Variants in SPAG9 observed in about 807,000 individuals in gnomAD.
SPAG9 encodes sperm associated antigen 9, also known as C-Jun-amino-terminal kinase-interacting protein 4.
SPAG9 carries 35 observed loss-of-function variants against 166.5 expected under a neutral mutation model. The ratio of observed to expected loss-of-function variants is 0.21; its 90% confidence interval spans 0.16 to 0.28. The LOEUF (loss-of-function observed/expected upper bound fraction) is 0.28, where lower values mean the gene tolerates loss of function less well. Ranked by LOEUF, SPAG9 falls within the 10% of genes least tolerant of loss-of-function variation. The pLI, the probability that SPAG9 is intolerant of heterozygous loss-of-function variation, is 1.00. For synonymous variants in SPAG9, 534 were observed against 565.5 expected, an observed-to-expected ratio of 0.94 and a Z score of 0.79; for missense variants, 1,235 against 1,603.3, an observed-to-expected ratio of 0.77 and a Z score of 3.92.
At chr17:51,108,352 A>C (rs939082046) in intron 1 of SPAG9, among the ~76,000 whole-genome samples, 5 of 150,038 alleles carry the variant, frequency 3.3e-5, no homozygotes, top group Non-Finnish European at 7.4e-5. Flanking sequence ...GCACCACTAC[A>C]CTCCAGCCTA....
chr17:50,999,731 G>T lies in SPAG9; in HGVS notation c.1608-14C>A. 6.3e-7 allele frequency: 1 copy of T among 1,599,726 alleles called. No homozygotes were observed. Among genetic ancestry groups the T allele is most frequent in the Non-Finnish European group, 8.5e-7 (1 of 1,170,580 alleles). ...TCTCGTGATGCCCTACATTCAAAAA[G>T]AAAAGAAAAGAAACATTTATCAGTG... On this transcript the variant is annotated splice_polypyrimidine_tract_variant and intron_variant, in intron 13 of 29. Transcript: ENST00000262013.
chr17:50,995,030 A>C (rs1164948767), intron 18 of SPAG9, 27 bp downstream of exon 18: 2 of 1,570,696 alleles, frequency 1.3e-6, no homozygotes, highest in East Asian at 4.5e-5. Flanking sequence ...CTCATAAACC[A>C]GGTCAAATGT....
At chr17:51,087,055 G>A (rs1193964473) in intron 1 of SPAG9, among the ~76,000 whole-genome samples, 1 of 152,180 alleles carries the variant, frequency 6.6e-6, no homozygotes, top group Non-Finnish European at 1.5e-5. Flanking sequence ...TAGGATAAAT[G>A]TAATACTAAC....
At chr17:51,046,420 ATT>A in intron 4 of SPAG9, 1 of 956,418 alleles carries the variant, frequency 1.0e-6, no homozygotes, top group Non-Finnish European at 1.5e-6. Context: ...TGCAACAGAA[ATT>A]GTTACAAAGC....
intron 26 of SPAG9, 152 bp from the exon 27 acceptor site, chr17:50,977,373 A>G: frequency 1.6e-6 from 1 of 619,782 alleles, no homozygotes; most frequent in Non-Finnish European, 2.9e-6. Context: ...AAATGTGACT[A>G]GAGCTAGATG....
intron 2 of SPAG9, among the ~76,000 whole-genome samples, chr17:51,057,092 G>T (rs2047382637): frequency 6.6e-6 from 1 of 152,186 alleles, no homozygotes; most frequent in African/African-American, 2.4e-5. Context: ...TGATAGCAAA[G>T]AGGAATGATT....
chr17:51,018,681 C>T (rs927832452), intron 8 of SPAG9, among the ~76,000 whole-genome samples: 1 of 152,154 alleles, frequency 6.6e-6, no homozygotes, highest in Non-Finnish European at 1.5e-5. Flanking sequence ...AGTTAGTGTC[C>T]GGGACAATGC....
chr17:51,112,134 G>A (rs374231478), intron 1 of SPAG9, among the ~76,000 whole-genome samples: 2 of 151,772 alleles, frequency 1.3e-5, no homozygotes, highest in Non-Finnish European at 2.9e-5. Flanking sequence ...TCCCACTCCC[G>A]CCAGAAAACA....
intron 8 of SPAG9, 60 bp downstream of exon 8, chr17:51,020,099 T>C: frequency 1.1e-6 from 1 of 920,868 alleles, no homozygotes; most frequent in Non-Finnish European, 1.8e-6. Context: ...TGGAGAACAG[T>C]GTTTATGGGA....
intron 5 of SPAG9, among the ~76,000 whole-genome samples, chr17:51,032,801 G>A (rs1038207071): frequency 6.6e-6 from 1 of 152,086 alleles, no homozygotes; most frequent in Non-Finnish European, 1.5e-5. Flanking sequence ...GGGCGTTGTG[G>A]CGGGCTCCTG....
intron 5 of SPAG9, among the ~76,000 whole-genome samples, chr17:51,040,246 C>CA (rs373207596): frequency 0.21 from 15,611 of 75,338 alleles, 1,109 homozygotes; most frequent in Middle Eastern, 0.27. Flanking sequence ...GACTCTGTCT[C>CA]AAAAAAAAAA....
At chr17:50,995,783 C>A (rs1047852280) in intron 16 of SPAG9, 4 of 382,104 alleles carry the variant, frequency 1.0e-5, no homozygotes, top group Non-Finnish European at 1.9e-5. Flanking sequence ...CCCACCTCAG[C>A]CTCCAAGGTA....
intron 12 of SPAG9, among the ~76,000 whole-genome samples, chr17:51,003,411 T>C (rs916422183): frequency 3.1e-4 from 47 of 152,060 alleles, no homozygotes; most frequent in Admixed American, 3.1e-3. Flanking sequence ...ACTCAGAAAA[T>C]AGTTATAAGT....
intron 5 of SPAG9, among the ~76,000 whole-genome samples, chr17:51,037,250 C>T (rs2046623817): frequency 6.6e-6 from 1 of 152,090 alleles, no homozygotes; most frequent in African/African-American, 2.4e-5. Flanking sequence ...ACTAGAGGCG[C>T]ACACCACCAT....
At chr17:50,986,969 C>G in intron 22 of SPAG9, 143 bp downstream of exon 22, 1 of 713,730 alleles carries the variant, frequency 1.4e-6, no homozygotes, top group South Asian at 2.1e-5. Flanking sequence ...GTAGTTGCAA[C>G]ATAACATCAA....
chr17:51,062,089 A>G (rs922079188), intron 2 of SPAG9, among the ~76,000 whole-genome samples: 6 of 152,186 alleles, frequency 3.9e-5, no homozygotes, highest in African/African-American at 1.4e-4. Flanking sequence ...GGAGTTACAG[A>G]TGACTTGTCC....
chr17:51,054,343 A>C (rs1430274573), intron 3 of SPAG9, among the ~76,000 whole-genome samples: 1 of 151,540 alleles, frequency 6.6e-6, no homozygotes, highest in Non-Finnish European at 1.5e-5. Flanking sequence ...GGCTGGTCTC[A>C]AACTCCTGGG....
intron 28 of SPAG9, among the ~76,000 whole-genome samples, chr17:50,973,297 A>G (rs1271814067): frequency 6.6e-6 from 1 of 152,200 alleles, no homozygotes; most frequent in East Asian, 1.9e-4. Context: ...GTGGTTACCA[A>G]TGGAGAGGAA....
chr17:51,114,032 ATG>A (rs997237468), intron 1 of SPAG9, among the ~76,000 whole-genome samples: 5 of 151,022 alleles, frequency 3.3e-5, no homozygotes, highest in Non-Finnish European at 7.4e-5. Context: ...ATATTAAAAT[ATG>A]TGTTTTTTAG....
Sources: gnomAD v4.1 joint callset for allele counts (sites outside exome capture counted in the v4.1 genomes callset) on GRCh38, gnomAD v4.1.1 for gene constraint, MANE v1.5 for transcripts, NCBI Gene and HGNC (gene_info 2026-07-23, HGNC 2026-07-21) for gene names.